The following FER variants were observed in gnomAD, a reference collection of about 807,000 sequenced individuals.
FER encodes FER tyrosine kinase.
A neutral mutation model predicts 111.0 loss-of-function variants in FER; 63 were observed. That is an observed-to-expected ratio of 0.57 (90% CI 0.46 to 0.70). FER has a LOEUF of 0.70. FER is among the 30% of genes least tolerant of loss of function. The probability of loss-of-function intolerance (pLI) is 0.00; values close to 1 mark genes in which losing one functional copy is unlikely to be tolerated. For synonymous variants in FER, 327 were observed against 313.9 expected (o/e 1.04, Z -0.44); for missense variants, 914 against 954.0 (o/e 0.96, Z 0.55).
At chr5:109,038,155 T>C (rs1770656331) in intron 14 of FER, among the ~76,000 whole-genome samples, 1 of 151,928 alleles carries the variant, frequency 6.6e-6, no homozygotes, top group Non-Finnish European at 1.5e-5. Flanking sequence ...AATGGACTAT[T>C]TGAAAATTTA....
intron 17 of FER, among the ~76,000 whole-genome samples, chr5:109,162,943 G>A (rs993578015): frequency 1.3e-5 from 2 of 151,756 alleles, no homozygotes; most frequent in Admixed American, 6.6e-5. Context: ...GTCATGTCAT[G>A]TAATCATTAC....
intron 3 of FER, among the ~76,000 whole-genome samples, chr5:108,818,441 A>AAAAAAGAT (rs1171446375): frequency 2.0e-5 from 3 of 152,172 alleles, no homozygotes; most frequent in South Asian, 4.1e-4. Context: ...CTTTCTCCAA[A>AAAAAAGAT]AAAAAGATAA....
chr5:108,923,158 T>C (rs1196528035), intron 10 of FER, among the ~76,000 whole-genome samples: 1 of 152,082 alleles, frequency 6.6e-6, no homozygotes, highest in Non-Finnish European at 1.5e-5. Context: ...TAAGAAATTC[T>C]TTACCCTATA....
At chr5:108,899,955 G>T (rs563935900) in intron 10 of FER, among the ~76,000 whole-genome samples, 1 of 152,272 alleles carries the variant, frequency 6.6e-6, no homozygotes, top group South Asian at 2.1e-4. Context: ...TTCAAGTTCT[G>T]CTCTCGTGTC....
At position 108,965,622 on chromosome 5, in the gene FER, C is replaced by T. The variant is rs990994541; in HGVS notation, c.1656+6275C>T. ...TATAATTTACCCTAAATCAAATTTA[C>T]TGTAAGTTTCAGAGTTGTTACCTGA... On this transcript the variant is annotated intron_variant, in intron 13 of 19. Transcript: ENST00000281092. Among the ~76,000 whole-genome samples, 7 of 152,216 alleles carry T rather than the reference C, an allele frequency of 4.6e-5. No individual in the cohort carries two copies. The East Asian group carries it at 1.4e-3, about 29-fold the overall frequency.
At chr5:109,020,123 A>G (rs538643688) in intron 13 of FER, among the ~76,000 whole-genome samples, 1 of 152,052 alleles carries the variant, frequency 6.6e-6, no homozygotes, top group East Asian at 1.9e-4. Flanking sequence ...TTGTATGTAC[A>G]TTGCTAATCT....
chr5:109,189,347 T>C lies in FER; in HGVS notation c.*1772T>C, dbSNP rs1203740832. 6.6e-6 allele frequency: 1 copy of C among 152,238 alleles called. No individual in the cohort carries two copies. The highest frequency in any genetic ancestry group is 2.4e-5 in the African/African-American group (1 of 41,458). 9.4% of individuals were successfully genotyped at this position (152,238 alleles called of 1,614,324 possible). ...TAGTGATTATTTGGTCTGCATTCAT[T>C]GGAAGAGCTTAGGGATAGAAAATGC... On this transcript the variant is annotated 3_prime_UTR_variant, in exon 20 of 20. Coordinates refer to ENST00000281092, the MANE Select transcript of FER (RefSeq NM_005246.4).
Position 108,833,835 on chromosome 5 carries a change from C to T in FER, c.381+892C>T, listed in dbSNP as rs542186758. Among the ~76,000 whole-genome samples the T allele has an allele frequency of 1.3e-4, 20 of 150,738 alleles. No homozygotes were observed. The South Asian group carries it at 4.0e-3, about 30-fold the overall frequency. ...GTTGCAGTGAGCGGAGATCGCACCA[C>T]TGCACTCCAGCCTGGGCATCAGAGC... On this transcript the variant is annotated intron_variant, in intron 4 of 19. Transcript: ENST00000281092.
chr5:109,144,948 T>C (rs374346682), intron 17 of FER, among the ~76,000 whole-genome samples: 26 of 152,246 alleles, frequency 1.7e-4, no homozygotes, highest in African/African-American at 6.0e-4. Context: ...TGAAGAGATA[T>C]GTGGTGCCAC....
At chr5:109,020,301 A>G (rs1321875651) in intron 13 of FER, among the ~76,000 whole-genome samples, 1 of 151,934 alleles carries the variant, frequency 6.6e-6, no homozygotes, top group Non-Finnish European at 1.5e-5. Flanking sequence ...TTAAAAAATC[A>G]GTAATATTAC....
intron 1 of FER, among the ~76,000 whole-genome samples, chr5:108,757,354 G>A (rs1005359596): frequency 1.3e-5 from 2 of 152,116 alleles, no homozygotes; most frequent in African/African-American, 4.8e-5. Context: ...TAACTTCTGT[G>A]AAGTTATAAC....
chr5:108,853,741 G>A (rs541082735), intron 5 of FER, among the ~76,000 whole-genome samples: 4 of 152,316 alleles, frequency 2.6e-5, no homozygotes, highest in South Asian at 4.1e-4. Flanking sequence ...GTTGACAGGC[G>A]ATGCATAGAT....
chr5:108,998,420 G>T (rs2149771883), intron 13 of FER, among the ~76,000 whole-genome samples: 1 of 152,212 alleles, frequency 6.6e-6, no homozygotes, highest in East Asian at 1.9e-4. Context: ...AACACCCCTT[G>T]TGCTTCCTGG....
intron 3 of FER, among the ~76,000 whole-genome samples, chr5:108,810,900 A>G (rs1181235963): frequency 6.6e-6 from 1 of 151,546 alleles, no homozygotes; most frequent in African/African-American, 2.4e-5. Context: ...TCATGCTTCC[A>G]GTCCGGGCAT....
In FER at chr5:109,056,186, G is replaced by C. The variant is rs554155398; in HGVS notation, c.1924+8988G>C. Among the ~76,000 whole-genome samples the C allele has an allele frequency of 2.6e-5, 4 of 152,302 alleles. No homozygotes were observed. In the South Asian group the frequency reaches 8.3e-4, roughly 32 times the overall value. ...AAGGTTCCTAAAGGAATTAAAAATA[G>C]AGCTACCATGTACCTCAGCAATCCC... On this transcript the variant is annotated intron_variant, in intron 16 of 19. Transcript: ENST00000281092.
chr5:108,789,614 C>CTT (rs397757201), intron 2 of FER, among the ~76,000 whole-genome samples: 3 of 146,558 alleles, frequency 2.0e-5, no homozygotes, highest in Admixed American at 6.8e-5. Context: ...TCTTCTTCTT[C>CTT]TTTTTTTTTT....
intron 16 of FER, among the ~76,000 whole-genome samples, chr5:109,053,410 A>C (rs960283232): frequency 6.8e-6 from 1 of 147,712 alleles, no homozygotes; most frequent in Non-Finnish European, 1.5e-5. Context: ...AAAGTAATGG[A>C]GGCTGTGAAG....
intron 13 of FER, among the ~76,000 whole-genome samples, chr5:109,030,509 A>T (rs1186067254): frequency 9.2e-5 from 14 of 152,158 alleles, no homozygotes. Context: ...GGTTTCAATG[A>T]CAGTGCAATT....
At chr5:108,811,500 A>G (rs1757754441) in intron 3 of FER, among the ~76,000 whole-genome samples, 1 of 152,186 alleles carries the variant, frequency 6.6e-6, no homozygotes, top group Admixed American at 6.5e-5. Context: ...TGCAGTTGCT[A>G]AGAAGTATGT....
Sources: allele counts gnomAD v4.1 joint callset (sites outside exome capture counted in the v4.1 genomes callset), GRCh38; gene constraint gnomAD v4.1.1; transcripts MANE v1.5; gene names NCBI Gene and HGNC (gene_info 2026-07-23, HGNC 2026-07-21).